The following MCM3AP variants were observed in gnomAD, a reference collection of about 807,000 sequenced individuals.
MCM3AP encodes the protein minichromosome maintenance complex component 3 associated protein.
MCM3AP carries 126 observed loss-of-function variants against 184.1 expected under a neutral mutation model. The observed-to-expected ratio is 0.68, with a 90% CI of 0.59 to 0.79. The LOEUF is 0.79. Among genes scored for constraint, MCM3AP ranks in the 30% least tolerant of loss-of-function variants. The pLI is 0.00. For missense variants in MCM3AP, 2,496 were observed against 2,479.2 expected (o/e 1.01, Z -0.14); for synonymous variants, 1,002 against 979.3 (o/e 1.02, Z -0.43).
chr21:46,285,395 C>T lies in MCM3AP; in HGVS notation c.-109G>A. On this transcript the variant is annotated 5_prime_UTR_variant, in exon 1 of 28. Coordinates refer to ENST00000291688, the MANE Select transcript of MCM3AP (RefSeq NM_003906.5). ...AGTTCCCCTTCGTCTTTAGAACAAGCTGAAAGAGAAAAATTCAGATCATCA... is the reference window on the plus strand; with the variant it reads ...AGTTCCCCTTCGTCTTTAGAACAAGTTGAAAGAGAAAAATTCAGATCATCA... 1.4e-6 allele frequency: 1 copy of T among 731,496 alleles called. No individual in the cohort carries two copies. The highest frequency in any genetic ancestry group is 2.3e-6 in the Non-Finnish European group (1 of 430,228). The allele number at this position is 731,496 out of a possible 1,614,324, so 45.3% of individuals were successfully genotyped here. A position where few individuals can be genotyped will look rare whatever the true frequency, so the allele number is the denominator to read the frequency against.
intron 20 of MCM3AP, among the ~76,000 whole-genome samples, chr21:46,248,736 G>C (rs182217961): frequency 6.6e-6 from 1 of 151,982 alleles, no homozygotes; most frequent in Admixed American, 6.5e-5. Context: ...CTATGAAAAA[G>C]TCATGATAAA....
At chr21:46,267,215 A>G in intron 9 of MCM3AP, 73 bp from the exon 10 acceptor site, 11 of 1,464,122 alleles carry the variant, frequency 7.5e-6, no homozygotes, top group Non-Finnish European at 9.3e-6. Flanking sequence ...GCCCATGACC[A>G]CAGCCATGGC....
chr21:46,251,579 A>G lies in MCM3AP; in HGVS notation c.4240T>C (p.Ser1414Pro), dbSNP rs2080868962. 6.2e-7 allele frequency: 1 copy of G among 1,612,994 alleles called. No homozygotes were observed. Among genetic ancestry groups the G allele is most frequent in the Non-Finnish European group, 8.5e-7 (1 of 1,178,972 alleles). ...GGIQTLSLFN[S>P]LSSKGDQMIS... ...ATCTGATCCCCTTTGCTGCTAAGTG[A>G]GTTGAAAAGCGAAAGCGTCTGAATC... The change falls in exon 20 of 28, where the codon TCA becomes CCA. Residue 1414 changes from serine (S) to proline (P), a missense_variant. Around this residue, in one of 5 missense-constraint regions of MCM3AP, gnomAD observed 1,323 missense variants for 1,273.4 expected, o/e 1.04. Transcript: ENST00000291688.
chr21:46,260,960 G>A, intron 14 of MCM3AP, 54 bp from the exon 15 acceptor site: 1 of 1,407,180 alleles, frequency 7.1e-7, no homozygotes, highest in Non-Finnish European at 1.0e-6. Flanking sequence ...AAAAATAAGT[G>A]CTGTTTGTTT....
At position 46,261,310 on chromosome 21, in the gene MCM3AP, T is replaced by C; in HGVS notation, c.3437A>G (p.Glu1146Gly). 6.2e-7 allele frequency: 1 copy of C among 1,614,158 alleles called. No individual in the cohort carries two copies. The highest frequency in any genetic ancestry group is 8.5e-7 in the Non-Finnish European group (1 of 1,180,042). Residue 1146 changes from glutamate to glycine, a missense_variant, in exon 14 of 28, where the codon GAG (glutamate) becomes GGG (glycine). Glu to Gly is a moderately conservative substitution (Grantham distance 98). Around this residue, in one of 5 missense-constraint regions of MCM3AP, gnomAD observed 1,323 missense variants for 1,273.4 expected, o/e 1.04. Coordinates refer to ENST00000291688, the MANE Select transcript of MCM3AP (RefSeq NM_003906.5). ...EEVSKERERREQERQRAEEER... is the reference protein window; with the variant it reads ...EEVSKERERRGQERQRAEEER... ...CTCTTCAGCCCGCTGCCTCTCCTGC[T>C]CCCTTCGCTCTCTTTCCTTAGACAC...
At position 46,272,334 on chromosome 21, in the gene MCM3AP, T is replaced by C. The variant is rs116095489; in HGVS notation, c.2465+227A>G. Among the ~76,000 whole-genome samples, 791 of 152,278 alleles carry C rather than the reference T, an allele frequency of 5.2e-3. 5 individuals are homozygous for C. Among genetic ancestry groups the C allele is most frequent in the African/African-American group, 0.018 (749 of 41,542 alleles). ...GAAACTATTTTCAGAAATGAACATGTGGGGCCTACGTCAGATGTGCTGGTC... is the reference window on the plus strand; with the variant it reads ...GAAACTATTTTCAGAAATGAACATGCGGGGCCTACGTCAGATGTGCTGGTC... On this transcript the variant is annotated intron_variant, in intron 8 of 27. Coordinates refer to ENST00000291688, the MANE Select transcript of MCM3AP (RefSeq NM_003906.5).
At chr21:46,251,878 G>GT (rs1382158250) in intron 19 of MCM3AP, 196 bp from the exon 20 acceptor site, 20 of 186,030 alleles carry the variant, frequency 1.1e-4, no homozygotes, top group Admixed American at 1.9e-4. Flanking sequence ...ATCTGTACTC[G>GT]TTCTTTTTTT....
At chr21:46,277,459 C>T in intron 5 of MCM3AP, 68 bp downstream of exon 5, 1 of 1,316,894 alleles carries the variant, frequency 7.6e-7, no homozygotes, top group Admixed American at 2.6e-5. Context: ...GGAGTTGCTC[C>T]TGCCCTGATG....
At position 46,244,811 on chromosome 21, in the gene MCM3AP, C is replaced by T; in HGVS notation, c.5034G>A (p.Leu1678=). The change falls in exon 23 of 28, where the codon CTG becomes CTA. Residue 1678 remains leucine (L), a synonymous_variant. Transcript: ENST00000291688. ...CTCCCCAGGTCAAGCACGTACCCCC[C>T]AGGGGTGGAAGGTCCATCTGCGGAA... is the stretch of plus-strand genomic sequence containing the variant. ...FQLPQMDLPP[L]GAPWLPVCSM... is the part of the protein sequence containing the mutation. The T allele has an allele frequency of 1.2e-6, 2 of 1,611,346 alleles. No individual in the cohort carries two copies. Among genetic ancestry groups the T allele is most frequent in the Non-Finnish European group, 1.7e-6 (2 of 1,178,428 alleles).
chr21:46,251,694 A>AAAAAAAC lies in MCM3AP; in HGVS notation c.4137-19_4137-13dup, dbSNP rs759314561. On this transcript the variant is annotated splice_polypyrimidine_tract_variant and intron_variant, in intron 19 of 27. Coordinates refer to ENST00000291688, the MANE Select transcript of MCM3AP (RefSeq NM_003906.5). The stretch of plus-strand genomic sequence containing the variant: ...AATTTGCTAGAATTCTACAGATTTA[A>AAAAAAAC]AAAAAACAAAAAACAAAAAAAACAC... 1 of 1,524,926 alleles carries AAAAAAAC rather than the reference A, an allele frequency of 6.6e-7. No homozygotes were observed. The highest frequency in any genetic ancestry group is 8.9e-7 in the Non-Finnish European group (1 of 1,120,498). 94.5% of individuals were successfully genotyped at this position (1,524,926 alleles called of 1,614,324 possible). A position where few individuals can be genotyped will look rare whatever the true frequency, so the allele number is the denominator to read the frequency against.
Position 46,275,163 on chromosome 21 carries a change from C to T in MCM3AP, c.1998+23G>A, listed in dbSNP as rs1286345644. The T allele has an allele frequency of 3.2e-5, 52 of 1,604,894 alleles. No individual in the cohort carries two copies. The East Asian group carries it at 1.1e-3, about 34-fold the overall frequency. On this transcript the variant is annotated intron_variant, in intron 6 of 27. Transcript: ENST00000291688. ...GCAGCCCCGTCCCCTGCCCACACTC[C>T]ACGGGGAGATGCAGGGCTCTACCTG...
intron 5 of MCM3AP, among the ~76,000 whole-genome samples, chr21:46,276,688 G>A (rs182131291): frequency 6.6e-6 from 1 of 151,456 alleles, no homozygotes; most frequent in East Asian, 2.0e-4. Flanking sequence ...TGATCCACCA[G>A]CCTCGACCTC....
At chr21:46,279,460 G>A (rs188440124) in intron 4 of MCM3AP, among the ~76,000 whole-genome samples, 40 of 152,350 alleles carry the variant, frequency 2.6e-4, no homozygotes, top group Admixed American at 9.1e-4. Context: ...GCAGCGACCC[G>A]CCACAGGGCG....
At position 46,270,522 on chromosome 21, in the gene MCM3AP, T is replaced by G. The variant is rs777204929; in HGVS notation, c.2507A>C (p.Glu836Ala). 1 of 1,613,548 alleles carries G rather than the reference T, an allele frequency of 6.2e-7. No individual in the cohort carries two copies. Among genetic ancestry groups the G allele is most frequent in the Non-Finnish European group, 8.5e-7 (1 of 1,179,820 alleles). The change falls in exon 9 of 28, where the codon GAG becomes GCG. Residue 836 changes from glutamate to alanine, a missense_variant. Physicochemically the swap from Glu to Ala is moderately radical, Grantham distance 107. This residue lies in a region of MCM3AP where 138 missense variants were observed against 191.9 expected (regional missense o/e 0.72). Coordinates refer to ENST00000291688, the MANE Select transcript of MCM3AP (RefSeq NM_003906.5). ...QFHPAVRNSS[E>A]VKFAVQAFAA... Reference sequence around the variant, plus strand: ...AAAAGCCTGAACAGCAAATTTCACCTCAGATGAGTTTCTAACAGCAGGATG... The same window carrying G: ...AAAAGCCTGAACAGCAAATTTCACCGCAGATGAGTTTCTAACAGCAGGATG...
chr21:46,285,557 G>C lies in MCM3AP; in HGVS notation c.-271C>G. 1 of 416,992 alleles carries C rather than the reference G, an allele frequency of 2.4e-6. No homozygotes were observed. The highest frequency in any genetic ancestry group is 3.7e-5 in the South Asian group (1 of 27,202). 25.8% of individuals were successfully genotyped at this position (416,992 alleles called of 1,614,324 possible). A position where few individuals can be genotyped will look rare whatever the true frequency, so the allele number is the denominator to read the frequency against. ...TTATTTTGTTGGAGGGTGGGGTAGA[G>C]AGTGGTACAAATAATTACTTTGTTA... On this transcript the variant is annotated 5_prime_UTR_variant, in exon 1 of 28. Transcript: ENST00000291688.
At chr21:46,255,113 T>C (rs2080929518) in intron 17 of MCM3AP, among the ~76,000 whole-genome samples, 1 of 152,128 alleles carries the variant, frequency 6.6e-6, no homozygotes, top group Non-Finnish European at 1.5e-5. Flanking sequence ...TGGCCTGGCA[T>C]GTGTGAGGTG....
chr21:46,266,497 G>A (rs925164323), intron 10 of MCM3AP: 5 of 257,000 alleles, frequency 1.9e-5, no homozygotes, highest in Admixed American at 1.0e-4. Context: ...ACAGGCAGGA[G>A]GCAGGTGAGG....
chr21:46,262,011 T>C (rs1398533558), intron 13 of MCM3AP, among the ~76,000 whole-genome samples: 2 of 152,212 alleles, frequency 1.3e-5, no homozygotes, highest in East Asian at 3.9e-4. Context: ...TCTAAAACCC[T>C]TGTGGTTCCA....
intron 7 of MCM3AP, among the ~76,000 whole-genome samples, 168 bp from the exon 8 acceptor site, chr21:46,272,997 G>T (rs923096130): frequency 1.4e-5 from 2 of 146,960 alleles, no homozygotes. Context: ...CCTGGGGTTT[G>T]TTTTTTTTTT....
Sources: gnomAD v4.1 joint callset for allele counts (sites outside exome capture counted in the v4.1 genomes callset) on GRCh38, gnomAD v4.1.1 for gene constraint, gnomAD v4.1.1 regional missense constraint, MANE v1.5 for transcripts, NCBI Gene and HGNC (gene_info 2026-07-23, HGNC 2026-07-21) for gene names.